MTMR8: variants seen among roughly 807,000 people sequenced by gnomAD.
MTMR8 encodes myotubularin related protein 8, also known as phosphatidylinositol-3,5-bisphosphate 3-phosphatase MTMR8.
In MTMR8, 65 loss-of-function variants were observed where a neutral mutation model predicts 39.3. That is an observed-to-expected ratio of 1.65 (90% CI 1.35 to 2.03). The LOEUF (loss-of-function observed/expected upper bound fraction) is 2.03. Ranked by LOEUF, MTMR8 falls within the 30% of genes most tolerant of loss-of-function variation. The pLI is 0.00. For missense variants in MTMR8, 777 were observed against 538.9 expected, an observed-to-expected ratio of 1.44 and a Z score of -4.37; for synonymous variants, 245 against 185.2, an observed-to-expected ratio of 1.32 and a Z score of -2.62.
chrX:64,285,447 T>C (rs1478470627), intron 12 of MTMR8, among the ~76,000 whole-genome samples: 1 of 111,164 alleles, frequency 9.0e-6, no homozygotes, highest in Non-Finnish European at 1.9e-5. Flanking sequence ...ATCCAGGAAC[T>C]GAATTCAGCT....
intron 1 of MTMR8, among the ~76,000 whole-genome samples, chrX:64,368,034 G>C (rs899635221): frequency 1.8e-5 from 2 of 111,390 alleles, no homozygotes; most frequent in African/African-American, 6.6e-5. Context: ...AAATACTTAG[G>C]AATCAAACTT....
At chrX:64,278,080 G>A (rs1041507391) in intron 12 of MTMR8, among the ~76,000 whole-genome samples, 12 of 108,390 alleles carry the variant, frequency 1.1e-4, no homozygotes, top group African/African-American at 4.0e-4. Flanking sequence ...AGCTCTATCA[G>A]GTCATTTATG....
intron 9 of MTMR8, among the ~76,000 whole-genome samples, chrX:64,336,651 G>A (rs992688040): frequency 9.0e-6 from 1 of 110,716 alleles, no homozygotes; most frequent in African/African-American, 3.3e-5. Flanking sequence ...ACAAAAATTA[G>A]CCAAGCATGG....
intron 1 of MTMR8, among the ~76,000 whole-genome samples, chrX:64,376,544 A>C (rs1924273835): frequency 1.8e-5 from 2 of 112,211 alleles, no homozygotes; most frequent in Admixed American, 1.9e-4. Context: ...ATGTGGCGGA[A>C]TAAATTTCTA....
At chrX:64,352,262 C>T (rs945827683) in intron 4 of MTMR8, among the ~76,000 whole-genome samples, 7 of 111,540 alleles carry the variant, frequency 6.3e-5, no homozygotes, top group East Asian at 2.8e-4. Flanking sequence ...GTGTGTCCTA[C>T]GTCACTCTGC....
intron 12 of MTMR8, among the ~76,000 whole-genome samples, chrX:64,285,686 C>T (rs1242743596): frequency 8.9e-6 from 1 of 111,791 alleles, no homozygotes; most frequent in African/African-American, 3.3e-5. Context: ...CAAAACTGCT[C>T]AACTACATGG....
intron 4 of MTMR8, among the ~76,000 whole-genome samples, chrX:64,352,141 C>A (rs889801807): frequency 9.0e-6 from 1 of 111,491 alleles, no homozygotes; most frequent in Non-Finnish European, 1.9e-5. Flanking sequence ...CTAAGCAGAA[C>A]GTGCCTATGT....
chrX:64,276,859 C>T (rs1215759358), intron 12 of MTMR8, among the ~76,000 whole-genome samples: 1 of 111,495 alleles, frequency 9.0e-6, no homozygotes, highest in Non-Finnish European at 1.9e-5. Context: ...GTATTAAAGT[C>T]TCCTACTATT....
At chrX:64,380,040 A>T (rs1924370221) in intron 1 of MTMR8, among the ~76,000 whole-genome samples, 1 of 112,138 alleles carries the variant, frequency 8.9e-6, no homozygotes, top group South Asian at 3.7e-4. Flanking sequence ...CCTCAGCTTG[A>T]TAAATAACAT....
chrX:64,383,521 A>C (rs1033100092), intron 1 of MTMR8, among the ~76,000 whole-genome samples: 4 of 109,796 alleles, frequency 3.6e-5, no homozygotes, highest in Non-Finnish European at 3.8e-5. Context: ...TACAGTAAGC[A>C]TGATGTTGGC....
intron 12 of MTMR8, among the ~76,000 whole-genome samples, chrX:64,275,407 G>A (rs1179412634): frequency 9.1e-6 from 1 of 110,188 alleles, no homozygotes; most frequent in Non-Finnish European, 1.9e-5. Flanking sequence ...AAGAAACTAA[G>A]AGGTGGGGCC....
At position 64,268,803 on chromosome X, in the gene MTMR8, C is replaced by G. The variant is rs377185512; in HGVS notation, c.1849G>C (p.Gly617Arg). The G allele has an allele frequency of 3.0e-5, 36 of 1,209,652 alleles. No individual in the cohort carries two copies. In the South Asian group the frequency reaches 6.2e-4, roughly 21 times the overall value. ...DLHHNCCEIV[G>R]SLRAINISGD... ...GAGATATTTATGGCCCTAAGGCTGCCCACAATCTCACAACAGTTATGGTGG... is the reference window on the plus strand; with the variant it reads ...GAGATATTTATGGCCCTAAGGCTGCGCACAATCTCACAACAGTTATGGTGG... Residue 617 changes from glycine to arginine, a missense_variant, in exon 14 of 14, where the codon GGC becomes CGC. Transcript: ENST00000374852.
chrX:64,318,346 G>T (rs1029406288), intron 12 of MTMR8, among the ~76,000 whole-genome samples: 1 of 112,086 alleles, frequency 8.9e-6, no homozygotes, highest in Non-Finnish European at 1.9e-5. Context: ...TTGACATAGA[G>T]CAGTTATTTT....
At chrX:64,314,714 G>T (rs921736697) in intron 12 of MTMR8, among the ~76,000 whole-genome samples, 4 of 112,569 alleles carry the variant, frequency 3.6e-5, no homozygotes, top group African/African-American at 1.3e-4. Context: ...TTGGCCCCAC[G>T]TACACATGTG....
intron 12 of MTMR8, among the ~76,000 whole-genome samples, chrX:64,313,527 A>C (rs1922376004): frequency 8.9e-6 from 1 of 112,690 alleles, no homozygotes; most frequent in South Asian, 3.6e-4. Flanking sequence ...CTTCACATTC[A>C]CAACTTGGGC....
intron 12 of MTMR8, among the ~76,000 whole-genome samples, chrX:64,300,760 A>C (rs1283630647): frequency 6.3e-4 from 66 of 104,875 alleles, no homozygotes; most frequent in African/African-American, 2.3e-3. Context: ...GAGCTCTTGT[A>C]GGGCAGGCCT....
At chrX:64,318,200 C>T (rs1922526006) in intron 12 of MTMR8, among the ~76,000 whole-genome samples, 1 of 112,291 alleles carries the variant, frequency 8.9e-6, no homozygotes, top group Non-Finnish European at 1.9e-5. Flanking sequence ...AATTCCAACT[C>T]CCCACTTGGC....
At chrX:64,363,365 A>T (rs930286909) in intron 1 of MTMR8, among the ~76,000 whole-genome samples, 3 of 111,383 alleles carry the variant, frequency 2.7e-5, no homozygotes, top group African/African-American at 6.5e-5. Flanking sequence ...ATTTAGCCCC[A>T]TCCTTTCATG....
chrX:64,372,324 G>A (rs1924149997), intron 1 of MTMR8, among the ~76,000 whole-genome samples: 1 of 110,976 alleles, frequency 9.0e-6, no homozygotes, highest in South Asian at 3.7e-4. Flanking sequence ...CATTATATAT[G>A]TAGTTATACA....
Sources: allele counts gnomAD v4.1 joint callset (sites outside exome capture counted in the v4.1 genomes callset), GRCh38; gene constraint gnomAD v4.1.1; transcripts MANE v1.5; gene names NCBI Gene and HGNC (gene_info 2026-07-23, HGNC 2026-07-21).